Variants in ADAMTS16 observed in about 807,000 individuals in gnomAD.
ADAMTS16 encodes A disintegrin and metalloproteinase with thrombospondin motifs 16.
In ADAMTS16, 94 loss-of-function variants were observed where a neutral mutation model predicts 145.8. That is an observed-to-expected ratio of 0.64 (90% confidence interval 0.55 to 0.77). The LOEUF (loss-of-function observed/expected upper bound fraction) is 0.77. Among genes scored for constraint, ADAMTS16 ranks in the 30% least tolerant of loss-of-function variants. The pLI, the probability that ADAMTS16 is intolerant of heterozygous loss-of-function variation, is 0.00. For synonymous variants in ADAMTS16, 659 were observed against 604.3 expected, an observed-to-expected ratio of 1.09 and a Z score of -1.33; for missense variants, 1,585 against 1,591.5, an observed-to-expected ratio of 1.00 and a Z score of 0.07.
intron 17 of ADAMTS16, among the ~76,000 whole-genome samples, chr5:5,253,529 G>C (rs1737690863): frequency 6.6e-6 from 1 of 152,206 alleles, no homozygotes; most frequent in Admixed American, 6.5e-5. Context: ...GGGGAGGCAG[G>C]TTTGCCCTAA....
chr5:5,208,167 A>G (rs1200802825), intron 9 of ADAMTS16, among the ~76,000 whole-genome samples: 1 of 152,168 alleles, frequency 6.6e-6, no homozygotes, highest in Non-Finnish European at 1.5e-5. Flanking sequence ...CTTTTTATGC[A>G]CGGAGTCCTG....
intron 10 of ADAMTS16, 35 bp from the exon 11 acceptor site, chr5:5,222,754 T>C (rs1361669419): frequency 2.0e-6 from 3 of 1,505,590 alleles, no homozygotes; most frequent in Non-Finnish European, 1.8e-6. Context: ...GACAATATGA[T>C]GTAATCCTAA....
At chr5:5,247,949 A>G (rs571309621) in intron 17 of ADAMTS16, among the ~76,000 whole-genome samples, 33 of 152,208 alleles carry the variant, frequency 2.2e-4, no homozygotes, top group Non-Finnish European at 4.3e-4. Flanking sequence ...ACCATTCAGA[A>G]TTTGGACTGC....
chr5:5,318,893 G>A (rs1734165499), intron 22 of ADAMTS16, 130 bp from the exon 23 acceptor site: 3 of 667,886 alleles, frequency 4.5e-6, no homozygotes. Context: ...CATCAGACCT[G>A]GGGGCTGCCT....
At chr5:5,200,054 G>C (rs1213479795) in intron 8 of ADAMTS16, 78 bp from the exon 9 acceptor site, 3 of 1,480,726 alleles carry the variant, frequency 2.0e-6, no homozygotes, top group Admixed American at 2.1e-5. Flanking sequence ...GTCTTGACTT[G>C]TAATTGTTAG....
chr5:5,293,540 G>T (rs184819195), intron 18 of ADAMTS16, among the ~76,000 whole-genome samples: 40 of 152,300 alleles, frequency 2.6e-4, no homozygotes, highest in East Asian at 3.9e-4. Context: ...GGTTTCAGGA[G>T]CTGAGGCGGG....
intron 8 of ADAMTS16, 81 bp from the exon 9 acceptor site, chr5:5,200,051 C>G (rs1014785730): frequency 2.7e-6 from 4 of 1,471,436 alleles, no homozygotes; most frequent in Non-Finnish European, 3.6e-6. Context: ...ACAGTCTTGA[C>G]TTGTAATTGT....
rs768793894 is a variant in ADAMTS16, at chr5:5,239,186, T to C, written c.2190T>C (p.Ala730=). 3.8e-6 allele frequency: 6 copies of C among 1,591,710 alleles called. No individual in the cohort carries two copies. The South Asian group carries it at 6.9e-5, about 18-fold the overall frequency. The change falls in exon 15 of 23, where the codon GCT becomes GCC. Residue 730 remains alanine (A), a synonymous_variant. Transcript: ENST00000274181. ...GTGACAATGTCCTTGGATCTGATGC[T>C]GTTGAAGACGTCTGTGGGGTGTGTA... is the stretch of plus-strand genomic sequence containing the variant. ...VGCDNVLGSD[A]VEDVCGVCNG... is the part of the protein sequence containing the mutation.
chr5:5,183,752 C>T (rs921112156), intron 4 of ADAMTS16, among the ~76,000 whole-genome samples: 61 of 152,140 alleles, frequency 4.0e-4, no homozygotes, highest in African/African-American at 1.1e-3. Flanking sequence ...TCCACATCTG[C>T]GCGTGTGTGC....
intron 20 of ADAMTS16, among the ~76,000 whole-genome samples, chr5:5,304,334 T>G (rs1037454906): frequency 6.6e-6 from 1 of 152,136 alleles, no homozygotes; most frequent in Admixed American, 6.5e-5. Context: ...GAGCCCTTCA[T>G]CATGGGAATA....
chr5:5,262,098 TCAAA>T (rs1378804461), intron 17 of ADAMTS16, among the ~76,000 whole-genome samples: 1 of 152,222 alleles, frequency 6.6e-6, no homozygotes, highest in Non-Finnish European at 1.5e-5. Flanking sequence ...AGGCTGAGAA[TCAAA>T]CAAACTTCTA....
chr5:5,213,655 C>T (rs1053011064), intron 10 of ADAMTS16, among the ~76,000 whole-genome samples: 1 of 152,084 alleles, frequency 6.6e-6, no homozygotes, highest in Admixed American at 6.5e-5. Context: ...GTGGTGTAGC[C>T]GGTACTCTCG....
At chr5:5,220,156 C>CTTTT (rs11323873) in intron 10 of ADAMTS16, among the ~76,000 whole-genome samples, 3 of 118,240 alleles carry the variant, frequency 2.5e-5, no homozygotes, top group African/African-American at 3.4e-5. Context: ...AATAATTTAA[C>CTTTT]TTTTTTTTTT....
intron 18 of ADAMTS16, among the ~76,000 whole-genome samples, chr5:5,275,249 G>T (rs1364822644): frequency 6.6e-6 from 1 of 152,100 alleles, no homozygotes; most frequent in Non-Finnish European, 1.5e-5. Flanking sequence ...CAAATGTATG[G>T]AAGCTTCAGG....
In ADAMTS16 at chr5:5,315,670, C is replaced by T. The variant is rs369753106; in HGVS notation, c.3412-2464C>T. Reference sequence around the variant, plus strand: ...CAAGGTTCTCGGCGCACTGTGTGAGCTAAGAGGGTGTCTGGAATGCAGACA... The same window carrying T: ...CAAGGTTCTCGGCGCACTGTGTGAGTTAAGAGGGTGTCTGGAATGCAGACA... On this transcript the variant is annotated intron_variant, in intron 21 of 22. Coordinates refer to ENST00000274181, the MANE Select transcript of ADAMTS16 (RefSeq NM_139056.4). 5.9e-5 allele frequency among the ~76,000 whole-genome samples: 9 copies of T among 152,210 alleles called. 1 individual carries two copies. The East Asian group carries it at 1.4e-3, about 23-fold the overall frequency.
At chr5:5,205,864 T>C (rs2126599440) in intron 9 of ADAMTS16, among the ~76,000 whole-genome samples, 1 of 152,384 alleles carries the variant, frequency 6.6e-6, no homozygotes, top group South Asian at 2.1e-4. Context: ...ATTGGCTATG[T>C]CTTTTACAAA....
intron 3 of ADAMTS16, among the ~76,000 whole-genome samples, chr5:5,175,195 G>A (rs1735153190): frequency 6.6e-6 from 1 of 152,126 alleles, no homozygotes; most frequent in African/African-American, 2.4e-5. Context: ...ATTATTCCAG[G>A]CCCCAGGGCT....
At chr5:5,318,377 C>A (rs545012838) in intron 22 of ADAMTS16, 96 bp downstream of exon 22, 2 of 1,189,526 alleles carry the variant, frequency 1.7e-6, no homozygotes, top group Non-Finnish European at 2.2e-6. Flanking sequence ...TAGGGTCTTG[C>A]GTCTGATCTA....
At chr5:5,173,472 T>C (rs1487950733) in intron 3 of ADAMTS16, among the ~76,000 whole-genome samples, 1 of 151,962 alleles carries the variant, frequency 6.6e-6, no homozygotes, top group Non-Finnish European at 1.5e-5. Context: ...TATAACTCAT[T>C]ACTTTTTTTT....
Sources: gnomAD v4.1 joint callset for allele counts (sites outside exome capture counted in the v4.1 genomes callset) on GRCh38, gnomAD v4.1.1 for gene constraint, MANE v1.5 for transcripts, NCBI Gene and HGNC (gene_info 2026-07-23, HGNC 2026-07-21) for gene names.